FTO: variants seen among roughly 807,000 people sequenced by gnomAD.
The protein encoded by FTO is FTO alpha-ketoglutarate dependent dioxygenase.
A neutral mutation model predicts 63.9 loss-of-function variants in FTO; 47 were observed. The observed-to-expected ratio is 0.74, with a 90% CI of 0.58 to 0.94. The LOEUF is 0.94. Among genes scored for constraint, FTO ranks in the 40% least tolerant of loss-of-function variants. FTO has a pLI of 0.00. For missense variants in FTO, 562 were observed against 618.1 expected, an observed-to-expected ratio of 0.91 and a Z score of 0.96; for synonymous variants, 207 against 224.4, an observed-to-expected ratio of 0.92 and a Z score of 0.69.
Position 54,078,695 on chromosome 16 carries a change from A to G in FTO, c.1365-33067A>G, listed in dbSNP as rs567888597. 3.3e-5 allele frequency among the ~76,000 whole-genome samples: 5 copies of G among 152,268 alleles called. No homozygotes were observed. In the South Asian group the frequency reaches 1.0e-3, roughly 32 times the overall value. ...AAAATCAATAGTGATTAAGATGAAG[A>G]AACAACATTTGGGGTATTTCAGCTC... On this transcript the variant is annotated intron_variant, in intron 8 of 8. Coordinates refer to ENST00000471389, the MANE Select transcript of FTO (RefSeq NM_001080432.3).
At chr16:54,008,222 A>G (rs2084255965) in intron 8 of FTO, among the ~76,000 whole-genome samples, 1 of 152,134 alleles carries the variant, frequency 6.6e-6, no homozygotes, top group African/African-American at 2.4e-5. Context: ...TCAGTTTCTA[A>G]GTAGGAATAG....
intron 8 of FTO, among the ~76,000 whole-genome samples, chr16:54,080,612 T>A (rs2086118484): frequency 6.6e-6 from 1 of 152,198 alleles, no homozygotes; most frequent in African/African-American, 2.4e-5. Context: ...GGCCTTGAAT[T>A]TCAGGCTGAA....
intron 7 of FTO, among the ~76,000 whole-genome samples, chr16:53,890,295 CG>C (rs1429030438): frequency 6.6e-6 from 1 of 152,074 alleles, no homozygotes; most frequent in Admixed American, 6.6e-5. Flanking sequence ...AAAAGCTGTA[CG>C]TATTTAATGT....
chr16:53,719,253 C>CTTTTTTTTTTTTTTTTTTTT (rs10527186), intron 1 of FTO, among the ~76,000 whole-genome samples: 1 of 135,650 alleles, frequency 7.4e-6, no homozygotes, highest in Non-Finnish European at 1.6e-5. Flanking sequence ...TCTTCTTCTT[C>CTTTTTTTTTTTTTTTTTTTT]TTTTTTTTTT....
chr16:53,875,396 G>T (rs558412538), intron 5 of FTO, among the ~76,000 whole-genome samples: 2 of 152,172 alleles, frequency 1.3e-5, no homozygotes, highest in Admixed American at 6.5e-5. Context: ...GATAAGAATC[G>T]TACCTAATCG....
At chr16:54,009,537 CA>C (rs1395512739) in intron 8 of FTO, among the ~76,000 whole-genome samples, 1 of 152,080 alleles carries the variant, frequency 6.6e-6, no homozygotes, top group Non-Finnish European at 1.5e-5. Context: ...GAAAGAAGGA[CA>C]AATGAGCATC....
At chr16:53,709,047 A>G (rs2075701792) in intron 1 of FTO, among the ~76,000 whole-genome samples, 1 of 152,184 alleles carries the variant, frequency 6.6e-6, no homozygotes, top group Admixed American at 6.5e-5. Flanking sequence ...TGTCATATCT[A>G]TGCAGTCTTT....
rs79977242 is a variant in FTO at position 53,824,889 on chromosome 16, T to A, written c.124-975T>A. ...TTTACAGAATCAGGAAACTCCAGTC[T>A]GACACCGATTCACATGCCAAGTCCT... On this transcript the variant is annotated intron_variant, in intron 2 of 8. Coordinates refer to ENST00000471389, the MANE Select transcript of FTO (RefSeq NM_001080432.3). Among the ~76,000 whole-genome samples, 486 of 152,344 alleles carry A rather than the reference T, an allele frequency of 3.2e-3. 2 individuals carry two copies. The highest frequency in any genetic ancestry group is 7.9e-3 in the Admixed American group (121 of 15,314).
At chr16:53,739,890 C>A (rs1237493398) in intron 1 of FTO, among the ~76,000 whole-genome samples, 1 of 151,970 alleles carries the variant, frequency 6.6e-6, no homozygotes, top group East Asian at 1.9e-4. Context: ...TACTTAAAAA[C>A]ACTTAAAAAA....
At position 54,115,488 on chromosome 16, in the gene FTO, T is replaced by G. The variant is rs1253394911; in HGVS notation, c.*3573T>G. 6.6e-6 allele frequency: 1 copy of G among 152,060 alleles called. No individual in the cohort carries two copies. The highest frequency in any genetic ancestry group is 1.9e-4 in the East Asian group (1 of 5,144). 9.4% of individuals were successfully genotyped at this position (152,060 alleles called of 1,614,324 possible). ...TGTAAGTGCCAGGAAGGGAACCAAC[T>G]GGGAGAGGGACAAGAGGAGATGGTG... On this transcript the variant is annotated 3_prime_UTR_variant, in exon 9 of 9. Transcript: ENST00000471389.
rs142244549 is a variant in FTO, at chr16:53,773,220, G to A, written c.46-36920G>A. ...TTAAAAAAAAGCAAGCATTTAGTTT[G>A]GGGAGCCCTCCAAATGTGATTTCTT... On this transcript the variant is annotated intron_variant, in intron 1 of 8. Coordinates refer to ENST00000471389, the MANE Select transcript of FTO (RefSeq NM_001080432.3). 4.2e-3 allele frequency among the ~76,000 whole-genome samples: 639 copies of A among 152,048 alleles called. 3 individuals are homozygous for A. Among genetic ancestry groups the A allele is most frequent in the Admixed American group, 0.011 (172 of 15,270 alleles).
At chr16:53,770,950 C>T (rs1461474328) in intron 1 of FTO, among the ~76,000 whole-genome samples, 1 of 152,006 alleles carries the variant, frequency 6.6e-6, no homozygotes, top group Non-Finnish European at 1.5e-5. Flanking sequence ...GATTTTTGTT[C>T]TTCTATTTTT....
intron 6 of FTO, among the ~76,000 whole-genome samples, chr16:53,880,289 G>A (rs1598894735): frequency 1.3e-5 from 2 of 152,160 alleles, no homozygotes; most frequent in Admixed American, 6.5e-5. Flanking sequence ...GAGCCACTGT[G>A]CCTGGCAAGA....
intron 1 of FTO, among the ~76,000 whole-genome samples, chr16:53,806,867 A>G (rs2078385838): frequency 6.6e-6 from 1 of 152,192 alleles, no homozygotes; most frequent in Admixed American, 6.5e-5. Flanking sequence ...GAATTTTGAA[A>G]GGAGTTGACT....
chr16:54,022,034 A>G (rs1300674722), intron 8 of FTO, among the ~76,000 whole-genome samples: 1 of 152,168 alleles, frequency 6.6e-6, no homozygotes, highest in African/African-American at 2.4e-5. Flanking sequence ...GATGTTTTCA[A>G]ATAGATTTCT....
At chr16:54,101,297 G>A (rs2086638801) in intron 8 of FTO, among the ~76,000 whole-genome samples, 1 of 152,078 alleles carries the variant, frequency 6.6e-6, no homozygotes, top group Admixed American at 6.5e-5. Flanking sequence ...CCCTGCTCAA[G>A]TAGACTCCAG....
chr16:53,942,855 C>T (rs2082564660), intron 8 of FTO, among the ~76,000 whole-genome samples: 2 of 152,160 alleles, frequency 1.3e-5, no homozygotes, highest in South Asian at 4.1e-4. Context: ...GCTGCTTACT[C>T]CGGCACAGCT....
chr16:54,076,046 C>G (rs2085985390), intron 8 of FTO, among the ~76,000 whole-genome samples: 1 of 152,108 alleles, frequency 6.6e-6, no homozygotes, highest in Non-Finnish European at 1.5e-5. Flanking sequence ...TAATGACAAT[C>G]CTCCAAGACA....
chr16:54,046,382 A>G, intron 8 of FTO, among the ~76,000 whole-genome samples: 1 of 51,602 alleles, frequency 1.9e-5, no homozygotes, highest in Non-Finnish European at 3.0e-5. Flanking sequence ...AGAATAAAAT[A>G]CCTAGGAATC....
Sources: allele counts gnomAD v4.1 joint callset (sites outside exome capture counted in the v4.1 genomes callset), GRCh38; gene constraint gnomAD v4.1.1; transcripts MANE v1.5; gene names NCBI Gene and HGNC (gene_info 2026-07-23, HGNC 2026-07-21).